The following CCDC83 variants were observed in gnomAD, a reference collection of about 807,000 sequenced individuals.
The protein encoded by CCDC83 is coiled-coil domain containing 83, also known as coiled-coil domain-containing protein 83.
Under a neutral mutation model 50.1 loss-of-function variants are expected in CCDC83, and 54 were observed. The observed-to-expected ratio is 1.08, with a 90% confidence interval of 0.87 to 1.35. CCDC83 has a LOEUF of 1.35. Ranked by LOEUF, CCDC83 falls within the 40% of genes most tolerant of loss-of-function variation. The probability of loss-of-function intolerance (pLI) is 0.00; values close to 1 mark genes in which losing one functional copy is unlikely to be tolerated. For synonymous variants in CCDC83, 161 were observed against 153.3 expected, an observed-to-expected ratio of 1.05 and a Z score of -0.37; for missense variants, 518 against 473.9, an observed-to-expected ratio of 1.09 and a Z score of -0.86.
chr11:85,913,593 AG>A (rs2093464626), intron 8 of CCDC83, among the ~76,000 whole-genome samples: 1 of 152,266 alleles, frequency 6.6e-6, no homozygotes, highest in Admixed American at 6.5e-5. Context: ...AACTGTCTCC[AG>A]TGGACACAGA....
chr11:85,894,002 T>C (rs1228620735), intron 5 of CCDC83, among the ~76,000 whole-genome samples: 1 of 151,844 alleles, frequency 6.6e-6, no homozygotes, highest in Non-Finnish European at 1.5e-5. Context: ...GAATCAGGGC[T>C]CCCACTGATT....
At chr11:85,856,488 G>A (rs998478532) in intron 1 of CCDC83, among the ~76,000 whole-genome samples, 1 of 152,146 alleles carries the variant, frequency 6.6e-6, no homozygotes, top group East Asian at 1.9e-4. Flanking sequence ...TGTAGTTCTG[G>A]TTACTAGAGA....
chr11:85,888,586 T>C (rs2093337754), intron 5 of CCDC83, among the ~76,000 whole-genome samples: 1 of 152,152 alleles, frequency 6.6e-6, no homozygotes, highest in African/African-American at 2.4e-5. Flanking sequence ...TGTTTGTGGG[T>C]TTTTTAATGA....
intron 3 of CCDC83, among the ~76,000 whole-genome samples, chr11:85,878,940 A>G (rs7925029): frequency 0.011 from 1,676 of 152,242 alleles, 34 homozygotes; most frequent in African/African-American, 0.039. Flanking sequence ...ATGATGTTGA[A>G]TATCTTTTCA....
Position 85,903,012 on chromosome 11 carries a change from G to A in CCDC83, c.672+3997G>A, listed in dbSNP as rs991339830. ...TTTGGGAGGCTGAGGCATGTGGATC[G>A]CTTGAGGTCAGGAGTTAGAGACTAG... is the stretch of plus-strand genomic sequence containing the variant. On this transcript the variant is annotated intron_variant, in intron 7 of 10. Transcript: ENST00000342404. Among the ~76,000 whole-genome samples, 6 of 152,166 alleles carry A rather than the reference G, an allele frequency of 3.9e-5. No homozygotes were observed. In the South Asian group the frequency reaches 1.2e-3, roughly 32 times the overall value.
chr11:85,897,630 C>T (rs1048190418), intron 6 of CCDC83, among the ~76,000 whole-genome samples: 2 of 152,154 alleles, frequency 1.3e-5, no homozygotes, highest in African/African-American at 4.8e-5. Context: ...AAATGTGTAA[C>T]TAAGGTTGAA....
At chr11:85,872,601 T>C (rs934953768) in intron 2 of CCDC83, among the ~76,000 whole-genome samples, 6 of 152,190 alleles carry the variant, frequency 3.9e-5, no homozygotes, top group Admixed American at 6.5e-5. Context: ...AGAGATACAC[T>C]ATACTTAACA....
chr11:85,900,993 AG>A (rs1464002377), intron 7 of CCDC83, among the ~76,000 whole-genome samples: 2 of 151,646 alleles, frequency 1.3e-5, no homozygotes, highest in African/African-American at 4.8e-5. Context: ...TGAGCCCGGG[AG>A]GCAGAGGTTG....
At chr11:85,886,585 G>C (rs941736418) in intron 5 of CCDC83, among the ~76,000 whole-genome samples, 2 of 152,140 alleles carry the variant, frequency 1.3e-5, no homozygotes, top group African/African-American at 4.8e-5. Context: ...ATGGGCGGGT[G>C]GGGGGCAGTG....
chr11:85,886,408 T>A (rs1301657257), intron 5 of CCDC83, 41 bp downstream of exon 5: 3 of 1,511,388 alleles, frequency 2.0e-6, no homozygotes, highest in Admixed American at 4.1e-5. Flanking sequence ...GTAAAAAACA[T>A]CTTTAGTAGG....
chr11:85,864,927 C>T (rs944639919), intron 1 of CCDC83, among the ~76,000 whole-genome samples, 169 bp from the exon 2 acceptor site: 8 of 152,164 alleles, frequency 5.3e-5, no homozygotes, highest in African/African-American at 1.9e-4. Context: ...ATCAAGAATC[C>T]AATCATTTCA....
At chr11:85,906,702 G>A (rs539925447) in intron 7 of CCDC83, among the ~76,000 whole-genome samples, 1 of 151,852 alleles carries the variant, frequency 6.6e-6, no homozygotes, top group Non-Finnish European at 1.5e-5. Context: ...AATATAGTGA[G>A]ACCACATCTC....
intron 7 of CCDC83, among the ~76,000 whole-genome samples, chr11:85,899,328 T>A (rs1266506859): frequency 6.6e-6 from 1 of 152,238 alleles, no homozygotes; most frequent in Non-Finnish European, 1.5e-5. Context: ...GGGGCAAGTC[T>A]AAAGGACCAT....
intron 7 of CCDC83, among the ~76,000 whole-genome samples, chr11:85,910,178 G>A (rs2093446801): frequency 6.6e-6 from 1 of 152,182 alleles, no homozygotes; most frequent in Non-Finnish European, 1.5e-5. Flanking sequence ...ACAACTGATA[G>A]AAGTAGGGTG....
At chr11:85,909,639 T>C in intron 7 of CCDC83, among the ~76,000 whole-genome samples, 1 of 131,388 alleles carries the variant, frequency 7.6e-6, no homozygotes, top group Non-Finnish European at 1.6e-5. Flanking sequence ...TTTTTTTTTT[T>C]TGAGACGGAG....
chr11:85,907,443 A>C (rs113254044), intron 7 of CCDC83, among the ~76,000 whole-genome samples: 130 of 152,362 alleles, frequency 8.5e-4, no homozygotes, highest in Non-Finnish European at 8.5e-4. Context: ...TCAGGATTTC[A>C]AGTATGAGGA....
chr11:85,873,504 G>A (rs888723427), intron 3 of CCDC83, among the ~76,000 whole-genome samples: 1 of 152,292 alleles, frequency 6.6e-6, no homozygotes, highest in African/African-American at 2.4e-5. Flanking sequence ...GTCAGTGGAA[G>A]TTGGGTTGAA....
chr11:85,897,314 G>A (rs1011884582), intron 6 of CCDC83, among the ~76,000 whole-genome samples: 6 of 152,214 alleles, frequency 3.9e-5, no homozygotes, highest in African/African-American at 1.4e-4. Context: ...TGGGAGAATC[G>A]AGATTCATTT....
At chr11:85,878,728 C>G (rs914180395) in intron 3 of CCDC83, among the ~76,000 whole-genome samples, 2 of 141,668 alleles carry the variant, frequency 1.4e-5, no homozygotes, top group African/African-American at 5.6e-5. Flanking sequence ...ATGATAGTTA[C>G]ACGTTAGTTT....
Sources: gnomAD v4.1 joint callset for allele counts (sites outside exome capture counted in the v4.1 genomes callset) on GRCh38, gnomAD v4.1.1 for gene constraint, MANE v1.5 for transcripts, NCBI Gene and HGNC (gene_info 2026-07-23, HGNC 2026-07-21) for gene names.